The following PRKCZ variants were observed in gnomAD, a reference collection of about 807,000 sequenced individuals.
PRKCZ encodes the protein protein kinase C zeta type.
Under a neutral mutation model 79.5 loss-of-function variants are expected in PRKCZ, and 33 were observed. The ratio of observed to expected loss-of-function variants is 0.41; its 90% CI spans 0.31 to 0.55. The LOEUF (loss-of-function observed/expected upper bound fraction) is 0.55. PRKCZ is among the 20% of genes least tolerant of loss of function. The pLI is 0.19. For synonymous variants in PRKCZ, 342 were observed against 320.9 expected (o/e 1.07, Z -0.70); for missense variants, 578 against 813.5 (o/e 0.71, Z 3.52).
intron 4 of PRKCZ, chr1:2,071,171 TCCCCGTG>T (rs1661549352): frequency 1.2e-5 from 3 of 240,176 alleles, no homozygotes; most frequent in South Asian, 3.5e-5. Flanking sequence ...TGGGTGGGGC[TCCCCGTG>T]CCCCGTGCCT....
At chr1:2,151,312 G>A (rs1448808121) in intron 9 of PRKCZ, among the ~76,000 whole-genome samples, 1 of 152,238 alleles carries the variant, frequency 6.6e-6, no homozygotes, top group Admixed American at 6.5e-5. Flanking sequence ...GGCAGTGAGG[G>A]GACCACCACG....
intron 4 of PRKCZ, among the ~76,000 whole-genome samples, chr1:2,070,099 G>A (rs572390575): frequency 1.3e-5 from 2 of 152,126 alleles, no homozygotes; most frequent in South Asian, 2.1e-4. Context: ...CTGGGCAGCC[G>A]CAGACCCCAC....
chr1:2,110,569 C>T (rs934439161), intron 4 of PRKCZ, among the ~76,000 whole-genome samples: 8 of 152,206 alleles, frequency 5.3e-5, no homozygotes, highest in South Asian at 2.1e-4. Context: ...TCCTCTGGTA[C>T]GAAGGTCCCC....
At chr1:2,139,956 C>G (rs1032438753) in intron 5 of PRKCZ, among the ~76,000 whole-genome samples, 17 of 152,300 alleles carry the variant, frequency 1.1e-4, no homozygotes, top group Non-Finnish European at 2.1e-4. Flanking sequence ...ACATAGGGCA[C>G]AAGTGCCGCA....
At chr1:2,134,291 G>A (rs543404199) in intron 4 of PRKCZ, among the ~76,000 whole-genome samples, 2 of 152,292 alleles carry the variant, frequency 1.3e-5, no homozygotes, top group Admixed American at 1.3e-4. Flanking sequence ...TTCCAGTCAG[G>A]GCTAGTCATT....
chr1:2,151,078 C>T (rs750905732), intron 9 of PRKCZ, 100 bp downstream of exon 9: 1 of 1,367,760 alleles, frequency 7.3e-7, no homozygotes. Flanking sequence ...AGAGACCTAG[C>T]CTCACGTTGA....
chr1:2,184,656 C>G lies in PRKCZ; in HGVS notation c.1649C>G (p.Thr550Arg), dbSNP rs1572076588. ...GACTACGGTCTGGACAACTTTGACACACAGTTCACCAGCGAGCCCGTGCAG... is the reference window on the plus strand; with the variant it reads ...GACTACGGTCTGGACAACTTTGACAGACAGTTCACCAGCGAGCCCGTGCAG... ...TDDYGLDNFD[T>R]QFTSEPVQLT... The change falls in exon 17 of 18, where the codon ACA becomes AGA. Residue 550 changes from threonine to arginine, a missense_variant. This residue lies in a region of PRKCZ where 243 missense variants were observed against 467.0 expected (regional missense o/e 0.52). Coordinates refer to ENST00000378567, the MANE Select transcript of PRKCZ (RefSeq NM_002744.6). The G allele has an allele frequency of 1.2e-6, 2 of 1,614,030 alleles. No homozygotes were observed. Among genetic ancestry groups the G allele is most frequent in the East Asian group, 4.5e-5 (2 of 44,888 alleles).
intron 4 of PRKCZ, among the ~76,000 whole-genome samples, chr1:2,101,413 T>G (rs1473491111): frequency 6.6e-6 from 1 of 152,172 alleles, no homozygotes; most frequent in Admixed American, 6.5e-5. Context: ...TTCCTTTCTT[T>G]CCCTTGACTT....
intron 4 of PRKCZ, 34 bp from the exon 5 acceptor site, chr1:2,135,228 C>T (rs892099872): frequency 6.3e-7 from 1 of 1,577,770 alleles, no homozygotes; most frequent in African/African-American, 1.3e-5. Flanking sequence ...GGCTGCCACG[C>T]TGTTTCTTTA....
intron 4 of PRKCZ, chr1:2,104,824 G>A (rs10797413): frequency 0.6 from 588,349 of 985,600 alleles, 176,858 homozygotes; most frequent in East Asian, 0.67. Flanking sequence ...GCGCTTCCTC[G>A]CCGGGTGTTG....
rs760044366 is a variant in PRKCZ, at chr1:2,135,268, T to C, written c.341T>C (p.Ile114Thr). 39 of 1,612,184 alleles carry C rather than the reference T, an allele frequency of 2.4e-5. No individual in the cohort carries two copies. The highest frequency in any genetic ancestry group is 3.2e-5 in the Non-Finnish European group (38 of 1,179,150). ...TTTCTCATATCCTTTCCAGAATCTA[T>C]CTACCGCCGGGGAGCCAGAAGATGG... The part of the protein sequence containing the change: ...GLPCPGEDKS[I>T]YRRGARRWRK... Residue 114 changes from isoleucine (I) to threonine (T), a missense_variant, in exon 5 of 18, where the codon ATC becomes ACC. Transcript: ENST00000378567.
intron 4 of PRKCZ, among the ~76,000 whole-genome samples, chr1:2,124,765 C>G (rs1175122673): frequency 6.6e-6 from 1 of 152,046 alleles, no homozygotes; most frequent in Non-Finnish European, 1.5e-5. Flanking sequence ...TCTGTGTGAC[C>G]TCCGAAGGGT....
At chr1:2,147,966 C>T (rs1201525653) in intron 7 of PRKCZ, among the ~76,000 whole-genome samples, 2 of 45,616 alleles carry the variant, frequency 4.4e-5, no homozygotes, top group East Asian at 9.3e-4. Context: ...CTGACCTCTC[C>T]ATCTATCCAT....
intron 3 of PRKCZ, 139 bp from the exon 4 acceptor site, chr1:2,059,402 G>A (rs1304448234): frequency 1.5e-5 from 15 of 981,504 alleles, no homozygotes; most frequent in Non-Finnish European, 1.4e-5. Context: ...TCTCCCAGGA[G>A]CGGGCTCTCA....
intron 4 of PRKCZ, among the ~76,000 whole-genome samples, chr1:2,119,370 A>G (rs769031687): frequency 1.3e-5 from 2 of 151,996 alleles, no homozygotes; most frequent in Admixed American, 6.6e-5. Flanking sequence ...GCCCACCACC[A>G]TGCCCAACTA....
At chr1:2,136,514 C>T (rs550766680) in intron 5 of PRKCZ, among the ~76,000 whole-genome samples, 3 of 152,104 alleles carry the variant, frequency 2.0e-5, no homozygotes, top group African/African-American at 7.2e-5. Context: ...CCAGGAGCAC[C>T]GAGGATGTGG....
At position 2,128,865 on chromosome 1, in the gene PRKCZ, G is replaced by A. The variant is rs373429299; in HGVS notation, c.335-6397G>A. Among the ~76,000 whole-genome samples the A allele has an allele frequency of 6.0e-4, 91 of 152,276 alleles. No homozygotes were observed. Among genetic ancestry groups the A allele is most frequent in the African/African-American group, 2.1e-3 (87 of 41,542 alleles). On this transcript the variant is annotated intron_variant, in intron 4 of 17. Transcript: ENST00000378567. This position sits in a 1 kb window ranked among gnomAD's most constrained non-coding sequence, Gnocchi z 6.5. Reference sequence around the variant, plus strand: ...TTCCACAGAGGTAGCCGGGGGACTCGCGGTGCCAGGCCCACAGCCTCCTCG... The same window carrying A: ...TTCCACAGAGGTAGCCGGGGGACTCACGGTGCCAGGCCCACAGCCTCCTCG...
rs569936670 is a variant in PRKCZ at position 2,175,449 on chromosome 1, C to T, written c.1575+136C>T. Reference sequence around the variant, plus strand: ...ATCCGAACCCCAATATCCATCCCAACCCCAAATTCATCCAACCCTCACCCC... The same window carrying T: ...ATCCGAACCCCAATATCCATCCCAATCCCAAATTCATCCAACCCTCACCCC... On this transcript the variant is annotated intron_variant, in intron 16 of 17. Transcript: ENST00000378567. 1.2e-3 allele frequency: 808 copies of T among 679,916 alleles called. 9 individuals carry two copies. The highest frequency in any genetic ancestry group is 6.7e-3 in the South Asian group (361 of 54,012). 42.1% of individuals were successfully genotyped at this position (679,916 alleles called of 1,614,324 possible).
chr1:2,050,434 C>A lies in PRKCZ; in HGVS notation c.-197C>A, dbSNP rs1355943452. The A allele has an allele frequency of 4.6e-5, 9 of 194,522 alleles. No individual in the cohort carries two copies. The highest frequency in any genetic ancestry group is 1.7e-4 in the South Asian group (1 of 5,994). 12.0% of individuals were successfully genotyped at this position (194,522 alleles called of 1,614,324 possible). The stretch of plus-strand genomic sequence containing the variant: ...ATGTTCGGACACCGCCCCCCGCCCC[C>A]GCCGGACGGTCCCGCCCCGCGCGCC... On this transcript the variant is annotated 5_prime_UTR_variant, in exon 1 of 18. Coordinates refer to ENST00000378567, the MANE Select transcript of PRKCZ (RefSeq NM_002744.6).
Sources: gnomAD v4.1 joint callset for allele counts (sites outside exome capture counted in the v4.1 genomes callset) on GRCh38, gnomAD v4.1.1 for gene constraint, gnomAD v4.1.1 regional missense constraint, Gnocchi (gnomAD v3.1) non-coding constraint, MANE v1.5 for transcripts, NCBI Gene and HGNC (gene_info 2026-07-23, HGNC 2026-07-21) for gene names.